The following SAMD4A variants were observed in gnomAD, a reference collection of about 807,000 sequenced individuals.
The protein encoded by SAMD4A is protein Smaug homolog 1.
Under a neutral mutation model 81.3 loss-of-function variants are expected in SAMD4A, and 33 were observed. The ratio of observed to expected loss-of-function variants is 0.41; its 90% CI spans 0.31 to 0.54. SAMD4A has a LOEUF of 0.54. Among genes scored for constraint, SAMD4A ranks in the 20% least tolerant of loss-of-function variants. The probability of loss-of-function intolerance (pLI) is 0.37; values close to 1 mark genes in which losing one functional copy is unlikely to be tolerated. For synonymous variants in SAMD4A, 389 were observed against 382.1 expected (o/e 1.02, Z -0.21); for missense variants, 854 against 951.1 (o/e 0.90, Z 1.34).
intron 4 of SAMD4A, among the ~76,000 whole-genome samples, chr14:54,737,834 A>G (rs1447679705): frequency 2.0e-5 from 3 of 152,146 alleles, no homozygotes; most frequent in Admixed American, 6.5e-5. Flanking sequence ...TTTAAGGGAC[A>G]TGAAAATACC....
chr14:54,629,350 C>A (rs760433263), intron 2 of SAMD4A, among the ~76,000 whole-genome samples: 14 of 152,136 alleles, frequency 9.2e-5, no homozygotes, highest in Non-Finnish European at 1.8e-4. Flanking sequence ...GAATAAATTT[C>A]TGTTGTTTTA....
intron 2 of SAMD4A, among the ~76,000 whole-genome samples, chr14:54,679,871 G>A (rs1274903120): frequency 2.0e-5 from 3 of 152,198 alleles, no homozygotes; most frequent in Non-Finnish European, 2.9e-5. Flanking sequence ...TGTGTATACA[G>A]TAATACTTCT....
At chr14:54,622,430 A>G (rs192739178) in intron 2 of SAMD4A, among the ~76,000 whole-genome samples, 32 of 152,364 alleles carry the variant, frequency 2.1e-4, no homozygotes, top group African/African-American at 7.5e-4. Flanking sequence ...AAATGAGCTT[A>G]TACATAAAGT....
chr14:54,645,830 T>G (rs778393145), intron 2 of SAMD4A, among the ~76,000 whole-genome samples: 6 of 152,270 alleles, frequency 3.9e-5, no homozygotes, highest in Non-Finnish European at 5.9e-5. Context: ...TGTTATGTCT[T>G]GAAAAACATC....
At chr14:54,753,461 T>G (rs1449779952) in intron 6 of SAMD4A, among the ~76,000 whole-genome samples, 1 of 152,206 alleles carries the variant, frequency 6.6e-6, no homozygotes, top group Non-Finnish European at 1.5e-5. Flanking sequence ...CCAGGTTGGG[T>G]CAAAGTGGCT....
At chr14:54,770,312 G>T in intron 9 of SAMD4A, 90 bp downstream of exon 9, 2 of 831,766 alleles carry the variant, frequency 2.4e-6, no homozygotes, top group Non-Finnish European at 2.0e-6. Flanking sequence ...ATATGGCAGG[G>T]CACCATTCCT....
intron 11 of SAMD4A, among the ~76,000 whole-genome samples, chr14:54,778,566 T>A (rs2038920208): frequency 6.6e-6 from 1 of 152,214 alleles, no homozygotes; most frequent in African/African-American, 2.4e-5. Flanking sequence ...CCTGCAAGTC[T>A]CTAAATAATA....
intron 3 of SAMD4A, among the ~76,000 whole-genome samples, chr14:54,732,146 G>A (rs765518384): frequency 1.1e-4 from 17 of 152,076 alleles, no homozygotes; most frequent in Non-Finnish European, 2.2e-4. Context: ...ACACATGAAC[G>A]GTGTAAGTTA....
At chr14:54,643,972 G>T (rs2035230354) in intron 2 of SAMD4A, among the ~76,000 whole-genome samples, 1 of 152,184 alleles carries the variant, frequency 6.6e-6, no homozygotes, top group East Asian at 1.9e-4. Context: ...GTAGGTCCAG[G>T]AGGGACTCGG....
chr14:54,695,641 A>C (rs758120566), intron 2 of SAMD4A, among the ~76,000 whole-genome samples: 1 of 152,184 alleles, frequency 6.6e-6, no homozygotes, highest in Non-Finnish European at 1.5e-5. Flanking sequence ...GAAGCCCGCA[A>C]TCACCTTCCT....
intron 2 of SAMD4A, among the ~76,000 whole-genome samples, chr14:54,680,357 G>T (rs8020218): frequency 0.58 from 88,049 of 152,098 alleles, 28,226 homozygotes; most frequent in Non-Finnish European, 0.74. Context: ...CTGCAGTGGA[G>T]TTGCTTCTTA....
intron 2 of SAMD4A, among the ~76,000 whole-genome samples, chr14:54,602,431 TGTCTGTTCTA>T (rs932233274): frequency 1.3e-5 from 2 of 152,132 alleles, no homozygotes; most frequent in African/African-American, 4.8e-5. Context: ...CTTCCTTTCC[TGTCTGTTCTA>T]GTCTCTTCTG....
At chr14:54,746,768 C>G (rs2037979270) in intron 4 of SAMD4A, among the ~76,000 whole-genome samples, 1 of 152,150 alleles carries the variant, frequency 6.6e-6, no homozygotes, top group South Asian at 2.1e-4. Context: ...GAATTGTGCC[C>G]AAGAGCAGCA....
At chr14:54,749,482 G>A (rs1164925928) in intron 5 of SAMD4A, among the ~76,000 whole-genome samples, 1 of 152,200 alleles carries the variant, frequency 6.6e-6, no homozygotes, top group African/African-American at 2.4e-5. Flanking sequence ...TCTTTGTTGA[G>A]ATTGGAGTAA....
chr14:54,671,520 G>A (rs1392987145), intron 2 of SAMD4A, among the ~76,000 whole-genome samples: 1 of 152,234 alleles, frequency 6.6e-6, no homozygotes, highest in African/African-American at 2.4e-5. Flanking sequence ...GAGGTGGGCA[G>A]TGTTTGTCCA....
At position 54,784,550 on chromosome 14, in the gene SAMD4A, C is replaced by T. The variant is rs775636758; in HGVS notation, c.2058C>T (p.Pro686=). Residue 686 remains proline (P), a synonymous_variant, in exon 12 of 13, where the codon CCC becomes CCT. Transcript: ENST00000554335. ...TATCGCCTGCAGAATTCCAGCTTCCCGTGACCGAACCTGACATCAACAACA... is the reference window on the plus strand; with the variant it reads ...TATCGCCTGCAGAATTCCAGCTTCCTGTGACCGAACCTGACATCAACAACA... ...LMFQQPEFQL[P]VTEPDINNRL... is the part of the protein sequence containing the mutation. The T allele has an allele frequency of 1.3e-5, 21 of 1,614,058 alleles. No individual in the cohort carries two copies. The highest frequency in any genetic ancestry group is 6.6e-5 in the South Asian group (6 of 91,074).
At chr14:54,708,067 G>C (rs2036902002) in intron 3 of SAMD4A, among the ~76,000 whole-genome samples, 1 of 152,214 alleles carries the variant, frequency 6.6e-6, no homozygotes, top group East Asian at 1.9e-4. Flanking sequence ...CTTAAGAATA[G>C]ATAGGGCAAG....
At chr14:54,730,073 C>A (rs2037523108) in intron 3 of SAMD4A, among the ~76,000 whole-genome samples, 1 of 152,166 alleles carries the variant, frequency 6.6e-6, no homozygotes, top group African/African-American at 2.4e-5. Context: ...CAGAAGCATT[C>A]TAATTTATTT....
At position 54,775,078 on chromosome 14, in the gene SAMD4A, C is replaced by G. The variant is rs2038807310; in HGVS notation, c.1860C>G (p.Val620=). The G allele has an allele frequency of 2.5e-6, 4 of 1,614,192 alleles. No homozygotes were observed. Among genetic ancestry groups the G allele is most frequent in the Non-Finnish European group, 3.4e-6 (4 of 1,180,038 alleles). The change falls in exon 10 of 13, where the codon GTC becomes GTG. Residue 620 remains valine (V), a synonymous_variant. Coordinates refer to ENST00000554335, the MANE Select transcript of SAMD4A (RefSeq NM_015589.6). ...GCCTCTTGGGCACCAGTGGATTCGT[C>G]AGCTCCAACCAGCGCAACACCACAG... ...RLGLLGTSGF[V]SSNQRNTTAT... is the part of the protein sequence containing the mutation.
Sources: gnomAD v4.1 joint callset for allele counts (sites outside exome capture counted in the v4.1 genomes callset) on GRCh38, gnomAD v4.1.1 for gene constraint, MANE v1.5 for transcripts, NCBI Gene and HGNC (gene_info 2026-07-23, HGNC 2026-07-21) for gene names.